Variants in ABI3BP observed in about 807,000 individuals in gnomAD.
The protein encoded by ABI3BP is ABI family member 3 binding protein.
Under a neutral mutation model 268.6 loss-of-function variants are expected in ABI3BP, and 216 were observed. That is an observed-to-expected ratio of 0.80 (90% confidence interval 0.72 to 0.90). The LOEUF is 0.90. ABI3BP is among the 40% of genes least tolerant of loss of function. ABI3BP has a pLI of 0.00. For synonymous variants in ABI3BP, 730 were observed against 730.0 expected (o/e 1.00, Z 0.00); for missense variants, 2,090 against 2,182.4 (o/e 0.96, Z 0.84).
intron 57 of ABI3BP, among the ~76,000 whole-genome samples, chr3:100,783,724 C>A (rs898546391): frequency 6.6e-6 from 1 of 152,218 alleles, no homozygotes; most frequent in Admixed American, 6.5e-5. Flanking sequence ...TTCAACTCTG[C>A]CATAGTACTG....
chr3:100,835,650 T>G lies in ABI3BP; in HGVS notation c.2142A>C (p.Thr714=). The change falls in exon 28 of 68, where the codon ACA becomes ACC. Residue 714 remains threonine, a synonymous_variant. Coordinates refer to ENST00000471714, the MANE Select transcript of ABI3BP (RefSeq NM_001375547.2). ...TTCTCACAGTTACAGGCTCAATGTC[T>G]GTGGTGGGAACTAACCAAAAGCAAT... The part of the protein sequence containing the change: ...EAPSMTIVPT[T]DIEPVTVRTE... 6.5e-7 allele frequency: 1 copy of G among 1,535,086 alleles called. No individual in the cohort carries two copies. Among genetic ancestry groups the G allele is most frequent in the African/African-American group, 1.4e-5 (1 of 73,094 alleles).
chr3:100,950,016 A>C (rs763239734), intron 1 of ABI3BP, among the ~76,000 whole-genome samples: 1 of 152,210 alleles, frequency 6.6e-6, no homozygotes, highest in Non-Finnish European at 1.5e-5. Flanking sequence ...AGATTAAGTA[A>C]AACAGATTGT....
At chr3:100,750,954 C>T (rs568294147) in intron 67 of ABI3BP, among the ~76,000 whole-genome samples, 3 of 152,146 alleles carry the variant, frequency 2.0e-5, no homozygotes, top group East Asian at 3.9e-4. Context: ...ACTGAAAAAT[C>T]GAATCAAATA....
intron 1 of ABI3BP, among the ~76,000 whole-genome samples, chr3:100,985,117 C>A (rs1426066274): frequency 6.6e-6 from 1 of 150,558 alleles, no homozygotes; most frequent in African/African-American, 2.4e-5. Context: ...CTAAAAGCAA[C>A]TCCACTGAAG....
In ABI3BP at chr3:100,810,434, T is replaced by C; in HGVS notation, c.3585A>G (p.Pro1195=). 1 of 1,534,952 alleles carries C rather than the reference T, an allele frequency of 6.5e-7. No individual in the cohort carries two copies. The highest frequency in any genetic ancestry group is 8.7e-7 in the Non-Finnish European group (1 of 1,146,066). The change falls in exon 49 of 68, where the codon CCA becomes CCG. Residue 1195 remains proline (P), a synonymous_variant. Transcript: ENST00000471714. ...TACCAGGTTCAGTCTGAGGCTCATC[T>C]GGGCTGGGTAGGGTTATAGATTGAG... is the stretch of plus-strand genomic sequence containing the variant. ...LPSQSITLPS[P]DEPQTEPAPK...
intron 58 of ABI3BP, among the ~76,000 whole-genome samples, chr3:100,779,313 C>G (rs1447770016): frequency 6.6e-6 from 1 of 152,148 alleles, no homozygotes; most frequent in Non-Finnish European, 1.5e-5. Flanking sequence ...AGCTTAGCAC[C>G]TGCTCTGCTC....
chr3:100,859,240 C>A (rs1248033739), intron 14 of ABI3BP, among the ~76,000 whole-genome samples: 1 of 151,772 alleles, frequency 6.6e-6, no homozygotes, highest in East Asian at 1.9e-4. Flanking sequence ...TGCATCATAC[C>A]CCAACAGAGA....
intron 2 of ABI3BP, among the ~76,000 whole-genome samples, chr3:100,908,176 C>T (rs964130721): frequency 6.6e-6 from 1 of 150,702 alleles, no homozygotes; most frequent in Admixed American, 6.6e-5. Flanking sequence ...GCTGAAAAGT[C>T]ATTTGAAAGA....
intron 21 of ABI3BP, among the ~76,000 whole-genome samples, chr3:100,841,304 C>T (rs902990763): frequency 2.8e-5 from 4 of 140,972 alleles, no homozygotes; most frequent in African/African-American, 5.3e-5. Flanking sequence ...TTTCCTAGTC[C>T]GTGGCACTTT....
chr3:100,777,505 A>G (rs916228557), intron 59 of ABI3BP, among the ~76,000 whole-genome samples: 4 of 152,252 alleles, frequency 2.6e-5, no homozygotes, highest in Admixed American at 1.3e-4. Flanking sequence ...GGACTTTGTC[A>G]TCACAGAGCT....
rs116879728 is a variant in ABI3BP, at chr3:100,830,839, G to A, written c.2402-205C>T. On this transcript the variant is annotated intron_variant, in intron 31 of 67. Coordinates refer to ENST00000471714, the MANE Select transcript of ABI3BP (RefSeq NM_001375547.2). ...ACTCGTTTGACTCAGAAGACAGTCA[G>A]CAATAGCCTTTGGACTTCGCTGAGC... 1.2e-3 allele frequency among the ~76,000 whole-genome samples: 189 copies of A among 152,202 alleles called. 1 individual carries two copies. The East Asian group carries it at 0.016, about 13-fold the overall frequency.
intron 57 of ABI3BP, among the ~76,000 whole-genome samples, chr3:100,781,952 A>C (rs1200843085): frequency 1.3e-5 from 2 of 152,232 alleles, no homozygotes; most frequent in African/African-American, 4.8e-5. Flanking sequence ...TCAGGCCTAC[A>C]TATGCCAGGA....
intron 63 of ABI3BP, among the ~76,000 whole-genome samples, chr3:100,763,721 G>A (rs1408384650): frequency 1.3e-5 from 2 of 152,168 alleles, no homozygotes; most frequent in Admixed American, 6.5e-5. Flanking sequence ...CATGACCTGT[G>A]ATTACAGAAT....
Position 100,808,217 on chromosome 3 carries a change from C to A in ABI3BP, c.3626G>T (p.Arg1209Leu). ...QTEPAPKQTPRAPPKPKTSPR... is the reference protein window; with the variant it reads ...QTEPAPKQTPLAPPKPKTSPR... ...TGATGTTTTTGGCTTAGGAGGAGCA[C>A]GTGGTGTCTGCTTGGGAGCTAAAAG... Residue 1209 changes from arginine to leucine, a missense_variant, in exon 50 of 68, where the codon CGT becomes CTT. Arg to Leu is a moderately radical substitution (Grantham distance 102). Transcript: ENST00000471714. The A allele has an allele frequency of 3.1e-6, 5 of 1,610,584 alleles. No individual in the cohort carries two copies. Among genetic ancestry groups the A allele is most frequent in the Non-Finnish European group, 4.2e-6 (5 of 1,178,030 alleles).
At chr3:100,822,844 G>A (rs2098269902) in intron 37 of ABI3BP, among the ~76,000 whole-genome samples, 172 bp from the exon 38 acceptor site, 1 of 151,992 alleles carries the variant, frequency 6.6e-6, no homozygotes, top group Non-Finnish European at 1.5e-5. Flanking sequence ...AGCTCCTTAA[G>A]ACAAAAATCA....
At chr3:100,966,463 C>T (rs971757450) in intron 1 of ABI3BP, among the ~76,000 whole-genome samples, 6 of 152,110 alleles carry the variant, frequency 3.9e-5, no homozygotes, top group Non-Finnish European at 7.4e-5. Flanking sequence ...TACCATATGG[C>T]CCACAAAGCC....
At chr3:100,922,261 A>C (rs2060445324) in intron 2 of ABI3BP, among the ~76,000 whole-genome samples, 2 of 152,204 alleles carry the variant, frequency 1.3e-5, no homozygotes. Context: ...TTGAATAGAG[A>C]TGCAAATTTT....
chr3:100,922,547 T>C (rs71315215), intron 2 of ABI3BP, among the ~76,000 whole-genome samples: 13 of 149,218 alleles, frequency 8.7e-5, no homozygotes, highest in Admixed American at 4.9e-4. Flanking sequence ...ATGGTGATGG[T>C]GATGGTGATG....
rs540205803 is a variant in ABI3BP, at chr3:100,778,435, G to A, written c.4241-59C>T. 257 of 1,443,646 alleles carry A rather than the reference G, an allele frequency of 1.8e-4. 1 individual carries two copies. The African/African-American group carries it at 2.8e-3, about 16-fold the overall frequency. 89.4% of individuals were successfully genotyped at this position (1,443,646 alleles called of 1,614,324 possible). A position where few individuals can be genotyped will look rare whatever the true frequency, so the allele number is the denominator to read the frequency against. The stretch of plus-strand genomic sequence containing the variant: ...AAAGCCATCATAAAGATTCATTATC[G>A]AAAAAAACAGGGTTTTTAAAAATAA... On this transcript the variant is annotated intron_variant, in intron 58 of 67. Coordinates refer to ENST00000471714, the MANE Select transcript of ABI3BP (RefSeq NM_001375547.2).
Sources: allele counts gnomAD v4.1 joint callset (sites outside exome capture counted in the v4.1 genomes callset), GRCh38; gene constraint gnomAD v4.1.1; transcripts MANE v1.5; gene names NCBI Gene and HGNC (gene_info 2026-07-23, HGNC 2026-07-21).